The following MRPS35 variants were observed in gnomAD, a reference collection of about 807,000 sequenced individuals.
The protein encoded by MRPS35 is small ribosomal subunit protein mS35.
MRPS35 carries 29 observed loss-of-function variants against 32.7 expected under a neutral mutation model. The ratio of observed to expected loss-of-function variants is 0.89; its 90% CI spans 0.66 to 1.21. MRPS35 has a LOEUF of 1.21. MRPS35 is among the 50% of genes most tolerant of loss of function. The pLI, the probability that MRPS35 is intolerant of heterozygous loss-of-function variation, is 0.00. For synonymous variants in MRPS35, 148 were observed against 139.3 expected (o/e 1.06, Z -0.44); for missense variants, 373 against 383.8 (o/e 0.97, Z 0.23).
chr12:27,745,069 C>T (rs980547013), intron 7 of MRPS35, among the ~76,000 whole-genome samples: 1 of 152,164 alleles, frequency 6.6e-6, no homozygotes, highest in African/African-American at 2.4e-5. Context: ...GATCCTCCCG[C>T]CTCAGCCTCC....
chr12:27,737,518 C>T, intron 6 of MRPS35, 21 bp from the exon 7 acceptor site: 1 of 1,604,012 alleles, frequency 6.2e-7, no homozygotes, highest in Non-Finnish European at 8.5e-7. Context: ...ATTTTGACTT[C>T]TCCCGCTTTC....
intron 5 of MRPS35, among the ~76,000 whole-genome samples, chr12:27,725,068 C>T (rs1288847409): frequency 6.6e-6 from 1 of 152,152 alleles, no homozygotes; most frequent in East Asian, 1.9e-4. Context: ...AGGTGTGAGA[C>T]ACTGCCCAGC....
At chr12:27,745,736 C>T (rs982486706) in intron 7 of MRPS35, among the ~76,000 whole-genome samples, 3 of 151,724 alleles carry the variant, frequency 2.0e-5, no homozygotes, top group Non-Finnish European at 4.4e-5. Context: ...CCACAACAGG[C>T]CCCAGTGTGT....
At chr12:27,748,678 A>AT (rs530038935) in intron 7 of MRPS35, among the ~76,000 whole-genome samples, 4 of 151,832 alleles carry the variant, frequency 2.6e-5, no homozygotes, top group South Asian at 2.1e-4. Context: ...AATAAAATAA[A>AT]TTTTTTTTGT....
chr12:27,744,903 T>G (rs144523848), intron 7 of MRPS35, among the ~76,000 whole-genome samples: 121 of 152,296 alleles, frequency 7.9e-4, no homozygotes, highest in South Asian at 1.5e-3. Context: ...ATGATCACCT[T>G]GCATTAACAT....
chr12:27,719,166 G>C (rs1390101073), intron 3 of MRPS35, among the ~76,000 whole-genome samples: 2 of 152,172 alleles, frequency 1.3e-5, no homozygotes, highest in African/African-American at 4.8e-5. Context: ...ATGTATACCT[G>C]TAGATTTGTG....
At chr12:27,731,787 T>C (rs2061923039) in intron 5 of MRPS35, among the ~76,000 whole-genome samples, 1 of 152,196 alleles carries the variant, frequency 6.6e-6, no homozygotes, top group Admixed American at 6.5e-5. Context: ...CAGGCTGGTC[T>C]TGAACACCTG....
At chr12:27,732,995 T>G (rs1375534515) in intron 5 of MRPS35, among the ~76,000 whole-genome samples, 29 of 1,238 alleles carry the variant, frequency 0.023, no homozygotes, top group Admixed American at 0.17. Context: ...AAGATATATA[T>G]ATATATATAT....
chr12:27,724,070 G>A lies in MRPS35; in HGVS notation c.406G>A (p.Ala136Thr), dbSNP rs11545241. ...LKDFCTEWPA[A>T]LDSDEKCEKH... ...AGATTTTTGCACTGAGTGGCCAGCCGCACTGGACAGTGACGAGAAATGTGA... is the reference window on the plus strand; with the variant it reads ...AGATTTTTGCACTGAGTGGCCAGCCACACTGGACAGTGACGAGAAATGTGA... The change falls in exon 5 of 8, where the codon GCA (alanine) becomes ACA (threonine). Residue 136 changes from alanine to threonine, a missense_variant. Ala to Thr is a moderately conservative substitution (Grantham distance 58). Coordinates refer to ENST00000081029, the MANE Select transcript of MRPS35 (RefSeq NM_021821.4). 192 of 1,607,474 alleles carry A rather than the reference G, an allele frequency of 1.2e-4. No homozygotes were observed. The highest frequency in any genetic ancestry group is 5.8e-4 in the African/African-American group (43 of 74,490).
intron 5 of MRPS35, among the ~76,000 whole-genome samples, chr12:27,733,381 C>T (rs551272894): frequency 3.3e-5 from 5 of 152,264 alleles, no homozygotes; most frequent in East Asian, 3.9e-4. Context: ...TCTTACATTA[C>T]ACGTTGCAGT....
At chr12:27,749,785 G>C (rs1033902875) in intron 7 of MRPS35, among the ~76,000 whole-genome samples, 1 of 152,172 alleles carries the variant, frequency 6.6e-6, no homozygotes, top group African/African-American at 2.4e-5. Flanking sequence ...CTATGAGCCA[G>C]GTCCTCTAAG....
chr12:27,728,218 C>A (rs930639918), intron 5 of MRPS35, among the ~76,000 whole-genome samples: 4 of 151,992 alleles, frequency 2.6e-5, no homozygotes, highest in African/African-American at 4.8e-5. Flanking sequence ...ACATCCTTGT[C>A]AAAAGTCATA....
In MRPS35 at chr12:27,716,296, A is replaced by G. The variant is rs1267850788; in HGVS notation, c.159A>G (p.Leu53=). 6.4e-7 allele frequency: 1 copy of G among 1,570,478 alleles called. No homozygotes were observed. Among genetic ancestry groups the G allele is most frequent in the Non-Finnish European group, 8.6e-7 (1 of 1,162,676 alleles). ...AACGATTTTATATTTCTTAGGCACT[A>G]CCTCCTAGGACAGAGAAAATGGCTG... ...GNERPPRRKA[L]PPRTEKMAVD... Residue 53 remains leucine, a synonymous_variant, in exon 3 of 8, where the codon CTA becomes CTG. Coordinates refer to ENST00000081029, the MANE Select transcript of MRPS35 (RefSeq NM_021821.4).
intron 6 of MRPS35, 79 bp downstream of exon 6, chr12:27,735,635 G>T (rs2061940681): frequency 9.6e-7 from 1 of 1,044,586 alleles, no homozygotes; most frequent in East Asian, 2.4e-5. Context: ...CCTTTTTAAA[G>T]AAACTATATT....
intron 7 of MRPS35, among the ~76,000 whole-genome samples, chr12:27,752,503 G>T (rs1262119325): frequency 1.3e-5 from 2 of 152,172 alleles, no homozygotes; most frequent in Non-Finnish European, 2.9e-5. Flanking sequence ...TCTCTTAATT[G>T]CCTGTCTTCT....
At chr12:27,711,709 C>G (rs1448771992) in intron 1 of MRPS35, among the ~76,000 whole-genome samples, 1 of 151,542 alleles carries the variant, frequency 6.6e-6, no homozygotes, top group Non-Finnish European at 1.5e-5. Context: ...CCCTCTTGCT[C>G]TCCTACATTG....
intron 3 of MRPS35, among the ~76,000 whole-genome samples, chr12:27,717,245 G>A (rs1252543257): frequency 6.6e-6 from 1 of 152,098 alleles, no homozygotes; most frequent in East Asian, 1.9e-4. Flanking sequence ...AACCTAATTT[G>A]AGATTAAGAA....
At chr12:27,715,479 A>G (rs888074244) in intron 2 of MRPS35, among the ~76,000 whole-genome samples, 3 of 152,206 alleles carry the variant, frequency 2.0e-5, no homozygotes, top group African/African-American at 7.2e-5. Flanking sequence ...CCGTATTCTA[A>G]CTAGTTGAGT....
intron 5 of MRPS35, among the ~76,000 whole-genome samples, chr12:27,728,791 C>T (rs1320894201): frequency 6.6e-6 from 1 of 152,064 alleles, no homozygotes; most frequent in Non-Finnish European, 1.5e-5. Context: ...TGAATTTGCC[C>T]CATTGCATCT....
Sources: allele counts gnomAD v4.1 joint callset (sites outside exome capture counted in the v4.1 genomes callset), GRCh38; gene constraint gnomAD v4.1.1; transcripts MANE v1.5; gene names NCBI Gene and HGNC (gene_info 2026-07-23, HGNC 2026-07-21).